Variants in SLC12A5 observed in about 807,000 individuals in gnomAD.
SLC12A5 encodes K-Cl cotransporter 2.
A neutral mutation model predicts 124.0 loss-of-function variants in SLC12A5; 18 were observed. That is an observed-to-expected ratio of 0.15 (90% CI 0.10 to 0.22). The LOEUF (loss-of-function observed/expected upper bound fraction) is 0.22, where lower values mean the gene tolerates loss of function less well. Among genes scored for constraint, SLC12A5 ranks in the 10% least tolerant of loss-of-function variants. The pLI, the probability that SLC12A5 is intolerant of heterozygous loss-of-function variation, is 1.00. For synonymous variants in SLC12A5, 589 were observed against 568.0 expected (o/e 1.04, Z -0.53); for missense variants, 867 against 1,478.7 (o/e 0.59, Z 6.78).
At chr20:46,040,953 C>T in intron 7 of SLC12A5, 1 of 411,324 alleles carries the variant, frequency 2.4e-6, no homozygotes, top group Non-Finnish European at 4.4e-6. Context: ...TGGAATGGGA[C>T]AATCTCCTAG....
intron 1 of SLC12A5, among the ~76,000 whole-genome samples, chr20:46,029,881 TGTGTGTGTGCGC>T (rs1418078343): frequency 0.021 from 1,166 of 55,478 alleles, 14 homozygotes; most frequent in African/African-American, 0.07. Context: ...TGTGTGTGTG[TGTGTGTGTGCGC>T]GCGCGTGCGT....
At position 46,053,684 on chromosome 20, in the gene SLC12A5, C is replaced by A. The variant is rs2084665294; in HGVS notation, c.2654C>A (p.Thr885Asn). ...ACATTTCTGTATCATTTACGCATCA[C>A]TGCGGAGGTCGAGGTGGTGGAGATG... is the stretch of plus-strand genomic sequence containing the variant. ...LTTFLYHLRI[T>N]AEVEVVEMHE... is the part of the protein sequence containing the mutation. Residue 885 changes from threonine (T) to asparagine (N), a missense_variant, in exon 20 of 26, where the codon ACT (threonine) becomes AAT (asparagine). By Grantham distance (65) the Thr-to-Asn change is moderately conservative. Coordinates refer to ENST00000243964, the MANE Select transcript of SLC12A5 (RefSeq NM_020708.5). This position sits in a 1 kb window ranked among gnomAD's most constrained non-coding sequence, Gnocchi z 4.7. The A allele has an allele frequency of 1.2e-6, 2 of 1,604,102 alleles. No homozygotes were observed. Among genetic ancestry groups the A allele is most frequent in the Non-Finnish European group, 1.7e-6 (2 of 1,173,118 alleles).
chr20:46,030,832 C>T (rs1259068737), intron 1 of SLC12A5, among the ~76,000 whole-genome samples: 2 of 151,764 alleles, frequency 1.3e-5, no homozygotes, highest in African/African-American at 4.8e-5. Flanking sequence ...TCCCGCAACT[C>T]CTCATTCCTC....
chr20:46,056,751 T>C lies in SLC12A5; in HGVS notation c.3111-146T>C. 1 of 1,131,828 alleles carries C rather than the reference T, an allele frequency of 8.8e-7. No homozygotes were observed. Among genetic ancestry groups the C allele is most frequent in the South Asian group, 1.3e-5 (1 of 74,428 alleles). 70.1% of individuals were successfully genotyped at this position (1,131,828 alleles called of 1,614,324 possible). A position where few individuals can be genotyped will look rare whatever the true frequency, so the allele number is the denominator to read the frequency against. On this transcript the variant is annotated intron_variant, in intron 23 of 25. Coordinates refer to ENST00000243964, the MANE Select transcript of SLC12A5 (RefSeq NM_020708.5). The surrounding 1 kb of genome is among the most constrained non-coding windows in gnomAD (Gnocchi z 4.3). ...CATTGCTAAGTCTCAGAATTCCCAG[T>C]TGCAGGCAGCGGAAAGGTGAAGGGT...
At chr20:46,022,607 C>T (rs2084364714) in intron 1 of SLC12A5, 1 of 383,988 alleles carries the variant, frequency 2.6e-6, no homozygotes, top group South Asian at 1.4e-4. Context: ...CAGCGAGATT[C>T]AGGGAGGATG....
At position 46,053,658 on chromosome 20, in the gene SLC12A5, C is replaced by T. The variant is rs878859171; in HGVS notation, c.2628C>T (p.Thr876=). Residue 876 remains threonine (T), a synonymous_variant, in exon 20 of 26, where the codon ACC becomes ACT. Transcript: ENST00000243964. The surrounding 1 kb of genome is among the most constrained non-coding windows in gnomAD (Gnocchi z 4.7). ...DNSIQMKKDL[T]TFLYHLRITA... ...GCATCCAGATGAAGAAGGATCTGAC[C>T]ACATTTCTGTATCATTTACGCATCA... is the stretch of plus-strand genomic sequence containing the variant. 1 of 1,613,224 alleles carries T rather than the reference C, an allele frequency of 6.2e-7. No individual in the cohort carries two copies.
At chr20:46,052,934 G>GC (rs777087289) in intron 18 of SLC12A5, 23 bp from the exon 19 acceptor site, 1 of 1,592,604 alleles carries the variant, frequency 6.3e-7, no homozygotes, top group South Asian at 1.1e-5. Context: ...TCCCCCTCTG[G>GC]CCCTCTCCTT....
At chr20:46,025,544 T>C (rs984801211), upstream of SLC12A5, among the ~76,000 whole-genome samples, 1 of 151,082 alleles carries the variant, frequency 6.6e-6, no homozygotes, top group African/African-American at 2.4e-5. Flanking sequence ...CCAGGTGGGG[T>C]GGGGATCGGG....
chr20:46,057,610 C>G lies in SLC12A5; in HGVS notation c.*5C>G. 6.2e-7 allele frequency: 1 copy of G among 1,609,712 alleles called. No homozygotes were observed. Among genetic ancestry groups the G allele is most frequent in the East Asian group, 2.2e-5 (1 of 44,688 alleles). On this transcript the variant is annotated 3_prime_UTR_variant, in exon 26 of 26. Transcript: ENST00000243964. The surrounding 1 kb of genome is among the most constrained non-coding windows in gnomAD (Gnocchi z 7.1). The stretch of plus-strand genomic sequence containing the variant: ...GTCATCACCATCTACTCCTGAGAAC[C>G]AGGACCTGCCACCCGGGCCCGAGCG...
chr20:46,030,522 C>T (rs2084439921), intron 1 of SLC12A5, among the ~76,000 whole-genome samples: 5 of 151,318 alleles, frequency 3.3e-5, no homozygotes, highest in Admixed American at 2.0e-4. Context: ...GCCACCCCCA[C>T]CCCCCACTCT....
In SLC12A5 at chr20:46,029,510, G is replaced by A. The variant is rs565682657; in HGVS notation, c.52+114G>A. Reference sequence around the variant, plus strand: ...TCAGAGAGGAGGCTGGGACTGACCCGGGCGGTGGGCGCCAGTTGCAGCCTG... The same window carrying A: ...TCAGAGAGGAGGCTGGGACTGACCCAGGCGGTGGGCGCCAGTTGCAGCCTG... On this transcript the variant is annotated intron_variant, in intron 1 of 25. Transcript: ENST00000243964. 8.0e-4 allele frequency: 931 copies of A among 1,159,596 alleles called. 14 individuals are homozygous for A. In the South Asian group the frequency reaches 0.014, roughly 17 times the overall value. 71.8% of individuals were successfully genotyped at this position (1,159,596 alleles called of 1,614,324 possible).
intron 6 of SLC12A5, among the ~76,000 whole-genome samples, chr20:46,039,762 C>G (rs57236847): frequency 0.29 from 43,926 of 150,484 alleles, 7,807 homozygotes; most frequent in Non-Finnish European, 0.4. Context: ...GCAACAAGAA[C>G]AAAACTTTAT....
At chr20:46,022,971 G>GGAA in exon 2 of SLC12A5, 1 of 370,890 alleles carries the variant, frequency 2.7e-6, no homozygotes, top group East Asian at 4.6e-5. Context: ...AGGAGGAGGA[G>GGAA]GAGGAAGAGG....
In SLC12A5 at chr20:46,057,806, C is replaced by T. The variant is rs1331686464; in HGVS notation, c.*201C>T. On this transcript the variant is annotated 3_prime_UTR_variant, in exon 26 of 26. Transcript: ENST00000243964. The surrounding 1 kb of genome is among the most constrained non-coding windows in gnomAD (Gnocchi z 7.1). ...CCCCGCCGCGCAGAGACCAGAGCTCCTCAGTGCCAGTTTGGCCCCTGGGTC... is the reference window on the plus strand; with the variant it reads ...CCCCGCCGCGCAGAGACCAGAGCTCTTCAGTGCCAGTTTGGCCCCTGGGTC... The T allele has an allele frequency of 3.8e-6, 2 of 527,092 alleles. No individual in the cohort carries two copies. 32.7% of individuals were successfully genotyped at this position (527,092 alleles called of 1,614,324 possible). A position where few individuals can be genotyped will look rare whatever the true frequency, so the allele number is the denominator to read the frequency against.
rs780027679 is a variant in SLC12A5, at chr20:46,047,569, C to T, written c.1903C>T (p.Arg635Cys). 8.7e-6 allele frequency: 14 copies of T among 1,610,768 alleles called. No individual in the cohort carries two copies. Among genetic ancestry groups the T allele is most frequent in the Middle Eastern group, 3.3e-4 (2 of 6,046 alleles). ...AGLIYKYIEY[R>C]GAEKEWGDGI... ...ACTCATCTACAAGTACATTGAGTAC[C>T]GTGGGTGAGTGTGGGGAGTGGAGGT... The change falls in exon 15 of 26, where the codon CGT becomes TGT. Residue 635 changes from arginine (R) to cysteine (C), a missense_variant. By Grantham distance (180) the Arg-to-Cys change is radical. Coordinates refer to ENST00000243964, the MANE Select transcript of SLC12A5 (RefSeq NM_020708.5).
At position 46,045,851 on chromosome 20, in the gene SLC12A5, G is replaced by T; in HGVS notation, c.1570-27G>T. On this transcript the variant is annotated intron_variant, in intron 12 of 25. Coordinates refer to ENST00000243964, the MANE Select transcript of SLC12A5 (RefSeq NM_020708.5). This position sits in a 1 kb window ranked among gnomAD's most constrained non-coding sequence, Gnocchi z 4.9. ...GGGCTGAGAAATCCTTGAGGTCTCA[G>T]TCCCATGATGATTGCTCTTTCCCCA... is the stretch of plus-strand genomic sequence containing the variant. The T allele has an allele frequency of 6.3e-7, 1 of 1,596,576 alleles. No homozygotes were observed. The highest frequency in any genetic ancestry group is 1.1e-5 in the South Asian group (1 of 90,616).
Position 46,058,926 on chromosome 20 carries a change from C to G in SLC12A5, c.*1321C>G. On this transcript the variant is annotated 3_prime_UTR_variant, in exon 26 of 26. Transcript: ENST00000243964. The surrounding 1 kb of genome is among the most constrained non-coding windows in gnomAD (Gnocchi z 5.8). The stretch of plus-strand genomic sequence containing the variant: ...GCCTCTAGCTCCGTCTCCCGGGGAC[C>G]TGGGCCTGAGGGAGGGCTGGAGTCG... The G allele has an allele frequency of 2.5e-6, 1 of 394,734 alleles. No individual in the cohort carries two copies. The allele number at this position is 394,734 out of a possible 1,614,324, so 24.5% of individuals were successfully genotyped here.
chr20:46,030,120 C>G (rs554855541), intron 1 of SLC12A5, among the ~76,000 whole-genome samples: 2 of 152,192 alleles, frequency 1.3e-5, no homozygotes, highest in Admixed American at 6.5e-5. Context: ...ATCTCTCTCT[C>G]GCTTTCCCGT....
intron 1 of SLC12A5, among the ~76,000 whole-genome samples, chr20:46,031,899 C>G (rs2084454301): frequency 6.6e-6 from 1 of 152,222 alleles, no homozygotes; most frequent in Non-Finnish European, 1.5e-5. Flanking sequence ...GCGAGTTTCC[C>G]CTTAGCTGTT....
Sources: allele counts gnomAD v4.1 joint callset (sites outside exome capture counted in the v4.1 genomes callset), GRCh38; gene constraint gnomAD v4.1.1; non-coding constraint Gnocchi (gnomAD v3.1); transcripts MANE v1.5; gene names NCBI Gene and HGNC (gene_info 2026-07-23, HGNC 2026-07-21).